Variants in GRAMD2B observed in about 807,000 individuals in gnomAD.
GRAMD2B encodes GRAM domain containing 2B, also known as GRAM domain-containing protein 2B.
Under a neutral mutation model 59.2 loss-of-function variants are expected in GRAMD2B, and 41 were observed. That is an observed-to-expected ratio of 0.69 (90% CI 0.54 to 0.90). The LOEUF is 0.90. Ranked by LOEUF, GRAMD2B falls within the 40% of genes least tolerant of loss-of-function variation. The probability of loss-of-function intolerance (pLI) is 0.00; values close to 1 mark genes in which losing one functional copy is unlikely to be tolerated. For missense variants in GRAMD2B, 424 were observed against 500.5 expected, an observed-to-expected ratio of 0.85 and a Z score of 1.46; for synonymous variants, 161 against 182.7, an observed-to-expected ratio of 0.88 and a Z score of 0.96.
At chr5:126,368,386 A>G (rs549054860), upstream of GRAMD2B, among the ~76,000 whole-genome samples, 39 of 152,398 alleles carry the variant, frequency 2.6e-4, no homozygotes, top group African/African-American at 9.1e-4. Flanking sequence ...TAAAGCTGTC[A>G]GAATTCACAT....
chr5:126,399,771 A>T (rs979624936), intron 1 of GRAMD2B, among the ~76,000 whole-genome samples: 4 of 152,014 alleles, frequency 2.6e-5, no homozygotes, highest in African/African-American at 9.7e-5. Context: ...TTTAAAATCT[A>T]TTTTTTTCTT....
At chr5:126,457,115 G>C (rs13169308) in intron 1 of GRAMD2B, among the ~76,000 whole-genome samples, 129,905 of 149,812 alleles carry the variant, frequency 0.87, 57,452 homozygotes, top group East Asian at 0.99. Flanking sequence ...TGGCATGAAT[G>C]TGGGAGGTGG....
In GRAMD2B at chr5:126,387,284, A is replaced by T. The variant is rs1210014363; in HGVS notation, c.125+15717A>T. Among the ~76,000 whole-genome samples, 7 of 146,774 alleles carry T rather than the reference A, an allele frequency of 4.8e-5. No homozygotes were observed. The East Asian group carries it at 1.4e-3, about 29-fold the overall frequency. The stretch of plus-strand genomic sequence containing the variant: ...ATTTTAACTCTTCTGAAAAAAAAAA[A>T]GGATTATCTCTTTTTATAAAAAGAC... On this transcript the variant is annotated intron_variant, in intron 1 of 8. Coordinates refer to the GRAMD2B transcript ENST00000506445.
intron 1 of GRAMD2B, among the ~76,000 whole-genome samples, chr5:126,445,989 T>C (rs1764149272): frequency 6.6e-6 from 1 of 152,134 alleles, no homozygotes; most frequent in Non-Finnish European, 1.5e-5. Context: ...TGGACTAGTG[T>C]GAGAACAGGA....
rs1251697549 is a variant in GRAMD2B at position 126,466,150 on chromosome 5, G to A, written c.203+605G>A. On this transcript the variant is annotated intron_variant, in intron 2 of 13. Coordinates refer to ENST00000285689, the MANE Select transcript of GRAMD2B (RefSeq NM_023927.4). Reference sequence around the variant, plus strand: ...GTTAAACCAACAGTGTGTGATGGGTGAGTGCAGTTTATCTAAACTGAGTAC... The same window carrying A: ...GTTAAACCAACAGTGTGTGATGGGTAAGTGCAGTTTATCTAAACTGAGTAC... 7 of 1,293,748 alleles carry A rather than the reference G, an allele frequency of 5.4e-6. No homozygotes were observed. The East Asian group carries it at 1.0e-4, about 19-fold the overall frequency. 80.1% of individuals were successfully genotyped at this position (1,293,748 alleles called of 1,614,324 possible).
At chr5:126,474,808 T>TG (rs1408780541) in intron 5 of GRAMD2B, among the ~76,000 whole-genome samples, 1 of 152,246 alleles carries the variant, frequency 6.6e-6, no homozygotes, top group African/African-American at 2.4e-5. Context: ...GGAGTGACCC[T>TG]GGTTTTTTGA....
chr5:126,488,616 G>T (rs1250760898), intron 12 of GRAMD2B, among the ~76,000 whole-genome samples, 183 bp from the exon 13 acceptor site: 1 of 152,198 alleles, frequency 6.6e-6, no homozygotes, highest in Non-Finnish European at 1.5e-5. Flanking sequence ...TTAAGAATTA[G>T]TTCCCTAAAC....
At chr5:126,440,952 A>G (rs776388323) in intron 1 of GRAMD2B, among the ~76,000 whole-genome samples, 1 of 152,212 alleles carries the variant, frequency 6.6e-6, no homozygotes, top group Non-Finnish European at 1.5e-5. Context: ...TGATCCTATT[A>G]TACAAAATTC....
At chr5:126,445,628 G>C (rs970172702) in intron 1 of GRAMD2B, 1 of 151,682 alleles carries the variant, frequency 6.6e-6, no homozygotes, top group Non-Finnish European at 1.5e-5. Context: ...GGTGGGGAGT[G>C]GGGGGTGAGG....
At chr5:126,378,301 A>AT (rs1283647988) in intron 1 of GRAMD2B, among the ~76,000 whole-genome samples, 15 of 152,224 alleles carry the variant, frequency 9.9e-5, no homozygotes, top group Non-Finnish European at 2.9e-5. Context: ...TGAAGAGATC[A>AT]ATGAGTATCA....
intron 1 of GRAMD2B, among the ~76,000 whole-genome samples, chr5:126,415,434 AT>A (rs896992532): frequency 6.6e-6 from 1 of 152,024 alleles, no homozygotes; most frequent in Non-Finnish European, 1.5e-5. Context: ...ATTTATTTTT[AT>A]ATCTCCATCA....
chr5:126,483,626 C>T (rs761318480), intron 9 of GRAMD2B, 52 bp downstream of exon 9: 1 of 897,780 alleles, frequency 1.1e-6, no homozygotes, highest in Non-Finnish European at 1.8e-6. Flanking sequence ...TCAAAACATC[C>T]TCACCCCACC....
At chr5:126,408,516 G>A (rs1446716357) in intron 1 of GRAMD2B, among the ~76,000 whole-genome samples, 1 of 151,398 alleles carries the variant, frequency 6.6e-6, no homozygotes, top group Non-Finnish European at 1.5e-5. Flanking sequence ...TTTTTGTTTG[G>A]TTGGTTGTTT....
At chr5:126,436,190 A>G (rs115027941) in intron 1 of GRAMD2B, among the ~76,000 whole-genome samples, 4,492 of 152,334 alleles carry the variant, frequency 0.029, 88 homozygotes, top group African/African-American at 0.039. Context: ...CCAGTTTCCC[A>G]TTTCAACTTA....
upstream of GRAMD2B, among the ~76,000 whole-genome samples, chr5:126,421,225 T>A (rs1168324461): frequency 1.3e-5 from 2 of 152,212 alleles, no homozygotes; most frequent in Admixed American, 1.3e-4. Flanking sequence ...TATACACTTA[T>A]TAAAATGATA....
chr5:126,450,501 A>G (rs1765141465), intron 1 of GRAMD2B, among the ~76,000 whole-genome samples: 4 of 152,020 alleles, frequency 2.6e-5, no homozygotes, highest in Admixed American at 2.6e-4. Context: ...GTAATGAAAC[A>G]TTCTGCTGTG....
At chr5:126,369,735 C>A (rs537489726), upstream of GRAMD2B, among the ~76,000 whole-genome samples, 18 of 152,284 alleles carry the variant, frequency 1.2e-4, no homozygotes, top group African/African-American at 4.1e-4. Flanking sequence ...CTGGAATTTC[C>A]TCCTTTAGAG....
At chr5:126,421,390 C>T (rs1392929775), upstream of GRAMD2B, among the ~76,000 whole-genome samples, 1 of 152,136 alleles carries the variant, frequency 6.6e-6, no homozygotes, top group Non-Finnish European at 1.5e-5. Context: ...ATCTCTGTTC[C>T]AAACCTATCC....
chr5:126,409,215 G>C (rs943354474), intron 1 of GRAMD2B, among the ~76,000 whole-genome samples: 2 of 152,122 alleles, frequency 1.3e-5, no homozygotes, highest in Non-Finnish European at 2.9e-5. Flanking sequence ...TAATGGGATG[G>C]CTAGGTCAAA....
Sources: allele counts gnomAD v4.1 joint callset (sites outside exome capture counted in the v4.1 genomes callset), GRCh38; gene constraint gnomAD v4.1.1; transcripts MANE v1.5; gene names NCBI Gene and HGNC (gene_info 2026-07-23, HGNC 2026-07-21).